The following MYLK4 variants were observed in gnomAD, a reference collection of about 807,000 sequenced individuals.
The protein encoded by MYLK4 is caMLCK like.
A neutral mutation model predicts 48.1 loss-of-function variants in MYLK4; 46 were observed. That is an observed-to-expected ratio of 0.96 (90% CI 0.75 to 1.22). The LOEUF (loss-of-function observed/expected upper bound fraction) is 1.22. Among genes scored for constraint, MYLK4 ranks in the 50% most tolerant of loss-of-function variants. The probability of loss-of-function intolerance (pLI) is 0.00; values close to 1 mark genes in which losing one functional copy is unlikely to be tolerated. For missense variants in MYLK4, 451 were observed against 486.1 expected (o/e 0.93, Z 0.68); for synonymous variants, 170 against 180.8 (o/e 0.94, Z 0.48).
At chr6:2,762,433 A>C in the MYLK4 span, among the ~76,000 whole-genome samples, 12 of 152,354 alleles carry the variant, frequency 7.9e-5, no homozygotes, top group African/African-American at 2.6e-4. Context: ...TTTAGGCCTT[A>C]TATTAAGAGA....
intron 4 of MYLK4, 46 bp downstream of exon 4, chr6:2,688,805 G>T: frequency 2.0e-6 from 3 of 1,469,956 alleles, no homozygotes; most frequent in African/African-American, 1.4e-5. Flanking sequence ...TCATTTGCAC[G>T]CTCTCTTCTT....
At chr6:2,708,450 GAA>G (rs1298000268) in intron 2 of MYLK4, among the ~76,000 whole-genome samples, 1 of 151,450 alleles carries the variant, frequency 6.6e-6, no homozygotes, top group Non-Finnish European at 1.5e-5. Flanking sequence ...GGCTATGGGA[GAA>G]AAAAAAATCG....
intron 8 of MYLK4, among the ~76,000 whole-genome samples, chr6:2,679,844 G>A (rs1478712064): frequency 6.6e-6 from 1 of 152,196 alleles, no homozygotes; most frequent in Non-Finnish European, 1.5e-5. Flanking sequence ...TTTGTTCCCT[G>A]AAGAATCTTT....
intron 2 of MYLK4, among the ~76,000 whole-genome samples, chr6:2,722,194 A>G (rs920373677): frequency 6.6e-6 from 1 of 152,250 alleles, no homozygotes; most frequent in Non-Finnish European, 1.5e-5. Flanking sequence ...AATTTCTTCA[A>G]GAAGATAAAA....
intron 2 of MYLK4, among the ~76,000 whole-genome samples, chr6:2,737,982 G>T (rs1487225246): frequency 1.7e-5 from 1 of 60,048 alleles, no homozygotes; most frequent in Non-Finnish European, 4.2e-5. Context: ...GGGGGCGGGT[G>T]GGGGGGGGGT....
At chr6:2,732,903 G>A (rs1763526923) in intron 2 of MYLK4, among the ~76,000 whole-genome samples, 1 of 152,136 alleles carries the variant, frequency 6.6e-6, no homozygotes, top group Admixed American at 6.5e-5. Flanking sequence ...TTGACCCTCT[G>A]TCCCCATCTG....
At chr6:2,684,303 G>A (rs912253628) in intron 6 of MYLK4, among the ~76,000 whole-genome samples, 1 of 152,160 alleles carries the variant, frequency 6.6e-6, no homozygotes, top group Non-Finnish European at 1.5e-5. Flanking sequence ...CGAGCGGGAC[G>A]GTGGGAGATT....
intron 2 of MYLK4, among the ~76,000 whole-genome samples, chr6:2,730,818 C>G (rs1763451690): frequency 6.6e-6 from 1 of 152,054 alleles, no homozygotes; most frequent in Non-Finnish European, 1.5e-5. Context: ...AAAGAAAATT[C>G]TTGACATCCT....
At position 2,727,946 on chromosome 6, in the gene MYLK4, C is replaced by CAA. The variant is rs10716559; in HGVS notation, c.159+21188_159+21189dup. 4.0e-4 allele frequency among the ~76,000 whole-genome samples: 42 copies of CAA among 104,834 alleles called. 1 individual carries two copies. The highest frequency in any genetic ancestry group is 1.2e-3 in the African/African-American group (34 of 27,508). 68.8% of individuals were successfully genotyped at this position (104,834 alleles called of 152,430 possible). A position where few individuals can be genotyped will look rare whatever the true frequency, so the allele number is the denominator to read the frequency against. On this transcript the variant is annotated intron_variant, in intron 2 of 12. Transcript: ENST00000274643. ...TGGGCGACTGAGCAGGACTCCGTCT[C>CAA]AAAAAAAAAAAAAAAAAAAAATGCT...
intron 2 of MYLK4, among the ~76,000 whole-genome samples, chr6:2,725,619 CAAAGAAGGAAAGAAAG>C (rs1287021880): frequency 8.1e-6 from 1 of 123,642 alleles, no homozygotes; most frequent in Non-Finnish European, 1.7e-5. Flanking sequence ...AACAAACAAA[CAAAGAAGGAAAGAAAG>C]AAAGAAGGAA....
chr6:2,686,086 GA>G (rs397885394), intron 4 of MYLK4, among the ~76,000 whole-genome samples: 18,019 of 85,524 alleles, frequency 0.21, 1,289 homozygotes, highest in East Asian at 0.32. Flanking sequence ...AAAAAAAGAA[GA>G]AAGAAAGAAA....
chr6:2,755,419 T>G (rs1006747517), upstream of MYLK4, among the ~76,000 whole-genome samples: 5 of 152,214 alleles, frequency 3.3e-5, no homozygotes, highest in African/African-American at 1.2e-4. Context: ...TGGTGTATGT[T>G]TCTTGAGAAA....
At chr6:2,698,430 T>C (rs979704816) in intron 2 of MYLK4, among the ~76,000 whole-genome samples, 14 of 152,232 alleles carry the variant, frequency 9.2e-5, no homozygotes, top group Non-Finnish European at 1.9e-4. Flanking sequence ...GAAAAAGGAA[T>C]AGCCTAATGG....
intron 2 of MYLK4, among the ~76,000 whole-genome samples, chr6:2,739,390 C>T (rs928646424): frequency 3.3e-5 from 5 of 152,172 alleles, no homozygotes; most frequent in East Asian, 3.8e-4. Context: ...TGACTTTTCC[C>T]GGACTTTCAG....
chr6:2,695,969 C>T (rs552669951), intron 2 of MYLK4, among the ~76,000 whole-genome samples: 74 of 152,364 alleles, frequency 4.9e-4, no homozygotes, highest in Non-Finnish European at 7.6e-4. Context: ...AAAACCATGT[C>T]AGTGACTATA....
chr6:2,711,682 G>A (rs536769060), intron 2 of MYLK4, among the ~76,000 whole-genome samples: 3 of 152,182 alleles, frequency 2.0e-5, no homozygotes, highest in African/African-American at 4.8e-5. Flanking sequence ...GCACTTATTC[G>A]ATAAGCTAAG....
intron 2 of MYLK4, among the ~76,000 whole-genome samples, chr6:2,695,491 G>A (rs2113190917): frequency 6.6e-6 from 1 of 152,376 alleles, no homozygotes; most frequent in East Asian, 1.9e-4. Context: ...ACCAACAGGA[G>A]AAGCTGTCAG....
chr6:2,675,252 C>T, intron 10 of MYLK4, 127 bp from the exon 11 acceptor site: 1 of 697,768 alleles, frequency 1.4e-6, no homozygotes, highest in Non-Finnish European at 2.6e-6. Context: ...ATGGTCAATT[C>T]TGCCTTCTCT....
At chr6:2,766,506 T>C in the MYLK4 span, 1 of 1,439,752 alleles carries the variant, frequency 6.9e-7, no homozygotes. Flanking sequence ...CAGCTGATGG[T>C]CGGAGAGCCG....
Sources: allele counts gnomAD v4.1 joint callset (sites outside exome capture counted in the v4.1 genomes callset), GRCh38; gene constraint gnomAD v4.1.1; transcripts MANE v1.5; gene names NCBI Gene and HGNC (gene_info 2026-07-23, HGNC 2026-07-21).